HCN1: variants seen among roughly 807,000 people sequenced by gnomAD.
HCN1 encodes the protein hyperpolarization activated cyclic nucleotide gated potassium channel 1.
HCN1 carries 13 observed loss-of-function variants against 78.9 expected under a neutral mutation model. The ratio of observed to expected loss-of-function variants is 0.16; its 90% confidence interval spans 0.11 to 0.26. The LOEUF (loss-of-function observed/expected upper bound fraction) is 0.26. HCN1 is among the 10% of genes least tolerant of loss of function. The probability of loss-of-function intolerance (pLI) is 1.00; values close to 1 mark genes in which losing one functional copy is unlikely to be tolerated. For missense variants in HCN1, 810 were observed against 1,154.3 expected (o/e 0.70, Z 4.32); for synonymous variants, 552 against 455.5 (o/e 1.21, Z -2.70).
At chr5:45,509,962 C>T (rs1440219795) in intron 2 of HCN1, among the ~76,000 whole-genome samples, 1 of 151,986 alleles carries the variant, frequency 6.6e-6, no homozygotes, top group Non-Finnish European at 1.5e-5. Context: ...AGGAATTCCC[C>T]AGATATTAGA....
At chr5:45,469,648 TTCTG>T (rs1741346867) in intron 2 of HCN1, among the ~76,000 whole-genome samples, 1 of 151,974 alleles carries the variant, frequency 6.6e-6, no homozygotes, top group Non-Finnish European at 1.5e-5. Flanking sequence ...CACTATTATT[TTCTG>T]AAGTTTTTTT....
chr5:45,324,915 T>C (rs1435557500), intron 5 of HCN1, among the ~76,000 whole-genome samples: 2 of 151,782 alleles, frequency 1.3e-5, no homozygotes, highest in African/African-American at 2.4e-5. Context: ...TGTGATACAG[T>C]GCCCCAAGCT....
Position 45,255,712 on chromosome 5 carries a change from G to C in HCN1, c.*6209C>G, listed in dbSNP as rs1207734332. 6.6e-6 allele frequency: 1 copy of C among 152,130 alleles called. No homozygotes were observed. The highest frequency in any genetic ancestry group is 1.9e-4 in the East Asian group (1 of 5,194). 9.4% of individuals were successfully genotyped at this position (152,130 alleles called of 1,614,324 possible). On this transcript the variant is annotated 3_prime_UTR_variant, in exon 8 of 8. Transcript: ENST00000303230. ...AGAATACATTTGGAAAACTCTTTTT[G>C]AATCTTTCAAATTTCTTTGGGTTAT...
At position 45,548,432 on chromosome 5, in the gene HCN1, T is replaced by C. The variant is rs547118226; in HGVS notation, c.850-86425A>G. Reference sequence around the variant, plus strand: ...TAAAGAGAAAAGTCAATGAACCTCTTATTTATCAACAGCCCTTCATGCTAA... The same window carrying C: ...TAAAGAGAAAAGTCAATGAACCTCTCATTTATCAACAGCCCTTCATGCTAA... On this transcript the variant is annotated intron_variant, in intron 2 of 7. Transcript: ENST00000303230. Among the ~76,000 whole-genome samples the C allele has an allele frequency of 4.6e-5, 7 of 151,710 alleles. No individual in the cohort carries two copies. In the East Asian group the frequency reaches 1.4e-3, roughly 30 times the overall value.
intron 2 of HCN1, among the ~76,000 whole-genome samples, chr5:45,615,141 T>C (rs985130963): frequency 6.6e-6 from 1 of 152,064 alleles, no homozygotes; most frequent in Admixed American, 6.6e-5. Context: ...AGCAAGATGA[T>C]ATAAATAACA....
rs368507011 is a variant in HCN1, at chr5:45,303,669, T to C, written c.1548A>G (p.Gln516=). The C allele has an allele frequency of 1.2e-6, 2 of 1,613,512 alleles. No individual in the cohort carries two copies. The highest frequency in any genetic ancestry group is 1.7e-6 in the Non-Finnish European group (2 of 1,179,634). ...GAVGKKMYFI[Q]HGVAGVITKS... ...TTGTAATGACACCAGCAACACCGTG[T>C]TGAATGAAATACATTTTTTTACCCA... is the stretch of plus-strand genomic sequence containing the variant. Residue 516 remains glutamine, a synonymous_variant, in exon 6 of 8, where the codon CAA becomes CAG. Transcript: ENST00000303230.
At chr5:45,462,242 T>C (rs924249417) in intron 2 of HCN1, among the ~76,000 whole-genome samples, 6 of 152,156 alleles carry the variant, frequency 3.9e-5, no homozygotes, top group African/African-American at 1.4e-4. Flanking sequence ...ATAGCATGAA[T>C]ATATAAATGT....
chr5:45,556,188 C>A (rs115794966), intron 2 of HCN1, among the ~76,000 whole-genome samples: 261 of 151,938 alleles, frequency 1.7e-3, no homozygotes, highest in African/African-American at 5.6e-3. Context: ...CACAAGCAAC[C>A]AGAGCATAAA....
chr5:45,542,503 AAG>A (rs1743125026), intron 2 of HCN1, among the ~76,000 whole-genome samples: 1 of 152,150 alleles, frequency 6.6e-6, no homozygotes, highest in African/African-American at 2.4e-5. Context: ...TAAAAAAAAA[AAG>A]ATTTTCAGAT....
chr5:45,378,773 GCCC>G lies in HCN1; in HGVS notation c.1230+17716_1230+17718del, dbSNP rs1256790835. On this transcript the variant is annotated intron_variant, in intron 4 of 7. Coordinates refer to ENST00000303230, the MANE Select transcript of HCN1 (RefSeq NM_021072.4). ...ATCTCCTAATGCTATCCCTCCCCCA[GCCC>G]CTCACCCCACAACAGGCCATGGTGT... is the stretch of plus-strand genomic sequence containing the variant. Among the ~76,000 whole-genome samples, 26 of 151,972 alleles carry G rather than the reference GCCC, an allele frequency of 1.7e-4. 1 individual carries two copies. Among genetic ancestry groups the G allele is most frequent in the African/African-American group, 6.3e-4 (26 of 41,456 alleles).
intron 2 of HCN1, among the ~76,000 whole-genome samples, chr5:45,544,546 T>G (rs989945020): frequency 6.6e-6 from 1 of 152,094 alleles, no homozygotes; most frequent in Non-Finnish European, 1.5e-5. Flanking sequence ...CTGCACCCGT[T>G]AAATTGTCAT....
chr5:45,680,103 A>AT (rs1389204569), intron 1 of HCN1, among the ~76,000 whole-genome samples: 1 of 152,148 alleles, frequency 6.6e-6, no homozygotes, highest in African/African-American at 2.4e-5. Flanking sequence ...GAAGGAATAT[A>AT]TATCAGTTTT....
rs1161210401 is a variant in HCN1, at chr5:45,492,511, G to GTTTT, written c.850-30508_850-30505dup. ...TGAGACAGTGGCGTTACCAGCAACA[G>GTTTT]TTTTTTTGTTTTTTTTTTTTTTTTT... On this transcript the variant is annotated intron_variant, in intron 2 of 7. Coordinates refer to ENST00000303230, the MANE Select transcript of HCN1 (RefSeq NM_021072.4). Among the ~76,000 whole-genome samples the GTTTT allele has an allele frequency of 1.2e-4, 12 of 99,318 alleles. 1 individual carries two copies. Among genetic ancestry groups the GTTTT allele is most frequent in the Admixed American group, 2.1e-4 (2 of 9,646 alleles). 65.2% of individuals were successfully genotyped at this position (99,318 alleles called of 152,430 possible).
chr5:45,640,511 G>T (rs1215793618), intron 2 of HCN1, among the ~76,000 whole-genome samples: 2 of 151,870 alleles, frequency 1.3e-5, no homozygotes, highest in Non-Finnish European at 1.5e-5. Context: ...CACTGGAAAG[G>T]TATTGACTGT....
Position 45,695,779 on chromosome 5 carries a change from C to T in HCN1, c.315G>A (p.Gly105=). The change falls in exon 1 of 8, where the codon GGG becomes GGA. Residue 105 remains glycine, a synonymous_variant. Transcript: ENST00000303230. ...QRQFTSMLQP[G]VNKFSLRMFG... is the part of the protein sequence containing the mutation. ...ACATGCGGAGGGAGAATTTGTTGAC[C>T]CCGGGCTGCAGCATGGAGGTGAACT... The T allele has an allele frequency of 6.2e-7, 1 of 1,611,902 alleles. No individual in the cohort carries two copies. Among genetic ancestry groups the T allele is most frequent in the African/African-American group, 1.3e-5 (1 of 75,012 alleles).
At chr5:45,387,369 A>C (rs1747945417) in intron 4 of HCN1, among the ~76,000 whole-genome samples, 1 of 152,108 alleles carries the variant, frequency 6.6e-6, no homozygotes, top group Non-Finnish European at 1.5e-5. Context: ...TAAGAATGGC[A>C]GAGAAAAATC....
chr5:45,576,131 A>T (rs913397068), intron 2 of HCN1: 2 of 152,086 alleles, frequency 1.3e-5, no homozygotes, highest in Non-Finnish European at 2.9e-5. Flanking sequence ...GTAACTGCAG[A>T]TGTGTTGGAA....
At chr5:45,590,234 A>T (rs913316390) in intron 2 of HCN1, among the ~76,000 whole-genome samples, 2 of 152,196 alleles carry the variant, frequency 1.3e-5, no homozygotes, top group Admixed American at 1.3e-4. Context: ...ACATTAGCTA[A>T]ATTTCCTTTC....
At chr5:45,516,471 A>G (rs1432804001) in intron 2 of HCN1, among the ~76,000 whole-genome samples, 2 of 151,998 alleles carry the variant, frequency 1.3e-5, no homozygotes, top group Admixed American at 6.6e-5. Flanking sequence ...TCCTTTCAGT[A>G]GTTCTTTGGA....
Sources: gnomAD v4.1 joint callset for allele counts (sites outside exome capture counted in the v4.1 genomes callset) on GRCh38, gnomAD v4.1.1 for gene constraint, MANE v1.5 for transcripts, NCBI Gene and HGNC (gene_info 2026-07-23, HGNC 2026-07-21) for gene names.